Variants in CADPS observed in about 807,000 individuals in gnomAD.
CADPS encodes the protein calcium dependent secretion activator.
In CADPS, 57 loss-of-function variants were observed where a neutral mutation model predicts 167.3. The observed-to-expected ratio is 0.34, with a 90% CI of 0.28 to 0.42. The LOEUF (loss-of-function observed/expected upper bound fraction) is 0.42. Among genes scored for constraint, CADPS ranks in the 20% least tolerant of loss-of-function variants. The probability of loss-of-function intolerance (pLI) is 1.00; values close to 1 mark genes in which losing one functional copy is unlikely to be tolerated. For missense variants in CADPS, 1,414 were observed against 1,738.1 expected (o/e 0.81, Z 3.32); for synonymous variants, 676 against 635.3 (o/e 1.06, Z -0.96).
At chr3:62,647,214 T>C (rs2068792610) in intron 5 of CADPS, among the ~76,000 whole-genome samples, 1 of 152,152 alleles carries the variant, frequency 6.6e-6, no homozygotes, top group African/African-American at 2.4e-5. Context: ...AGAAGAAGAA[T>C]GTGAGTGCGC....
At position 62,875,039 on chromosome 3, in the gene CADPS, TG is replaced by T. The variant is rs1447420966; in HGVS notation, c.-11del. 2 of 1,575,202 alleles carry T rather than the reference TG, an allele frequency of 1.3e-6. No individual in the cohort carries two copies. The highest frequency in any genetic ancestry group is 1.4e-5 in the African/African-American group (1 of 71,756). On this transcript the variant is annotated 5_prime_UTR_variant, in exon 1 of 30. Coordinates refer to ENST00000383710, the MANE Select transcript of CADPS (RefSeq NM_003716.4). Reference sequence around the variant, plus strand: ...ACGAAGGGTCCAGCATAGTGGCGCCTGGGGAGCGGGGTCTCTGGAGCCCCCG... The same window carrying T: ...ACGAAGGGTCCAGCATAGTGGCGCCTGGGAGCGGGGTCTCTGGAGCCCCCG...
rs564324866 is a variant in CADPS at position 62,419,741 on chromosome 3, T to C, written c.3778-16556A>G. On this transcript the variant is annotated intron_variant, in intron 28 of 29. Transcript: ENST00000383710. ...TGAACTGCATTAATTCGCAAGCAGA[T>C]TGACGTAAGCAACTGAATAAGAAAT... 1.9e-4 allele frequency among the ~76,000 whole-genome samples: 29 copies of C among 152,186 alleles called. No homozygotes were observed. The South Asian group carries it at 2.1e-3, about 11-fold the overall frequency.
At chr3:62,821,063 T>G (rs2094891859) in intron 1 of CADPS, among the ~76,000 whole-genome samples, 1 of 152,192 alleles carries the variant, frequency 6.6e-6, no homozygotes, top group Non-Finnish European at 1.5e-5. Flanking sequence ...CCGCCCAAAG[T>G]GCTGGGATTA....
In CADPS at chr3:62,874,947, G is replaced by A. The variant is rs757218775; in HGVS notation, c.83C>T (p.Pro28Leu). 2.6e-6 allele frequency: 4 copies of A among 1,545,692 alleles called. No individual in the cohort carries two copies. Among genetic ancestry groups the A allele is most frequent in the Admixed American group, 1.9e-5 (1 of 52,880 alleles). ...GCTGGGAGACAGGCGCGCGCCGGAC[G>A]GGGCCGAGCCGAGCACCTCCTTGCC... ...ESGKEVLGSA[P>L]SGARLSPSRT... is the part of the protein sequence containing the mutation. The change falls in exon 1 of 30, where the codon CCG becomes CTG. Residue 28 changes from proline to leucine, a missense_variant. Physicochemically the swap from Pro to Leu is moderately conservative, Grantham distance 98. Around this residue, in one of 6 missense-constraint regions of CADPS, gnomAD observed 522 missense variants for 559.5 expected, o/e 0.93. Transcript: ENST00000383710. The surrounding 1 kb of genome is among the most constrained non-coding windows in gnomAD (Gnocchi z 7.1).
chr3:62,533,111 A>G (rs954987806), intron 12 of CADPS, 53 bp from the exon 13 acceptor site: 2 of 1,515,988 alleles, frequency 1.3e-6, no homozygotes, highest in African/African-American at 2.8e-5. Flanking sequence ...TGTTTTCTGG[A>G]GAGCTGCTAG....
In CADPS at chr3:62,399,203, CA is replaced by C. The variant is rs1220090316; in HGVS notation, c.*202del. ...AATGGTGCTCCATATTGCTTGTAAA[CA>C]TATAGACATGGACATCAGGAAATCA... On this transcript the variant is annotated 3_prime_UTR_variant, in exon 30 of 30. Coordinates refer to ENST00000383710, the MANE Select transcript of CADPS (RefSeq NM_003716.4). This position sits in a 1 kb window ranked among gnomAD's most constrained non-coding sequence, Gnocchi z 5.6. 2.2e-5 allele frequency: 12 copies of C among 554,138 alleles called. No homozygotes were observed. The East Asian group carries it at 3.3e-4, about 15-fold the overall frequency. The allele number at this position is 554,138 out of a possible 1,614,324, so 34.3% of individuals were successfully genotyped here.
At chr3:62,695,968 C>T (rs952831075) in intron 3 of CADPS, among the ~76,000 whole-genome samples, 2 of 152,022 alleles carry the variant, frequency 1.3e-5, no homozygotes, top group African/African-American at 2.4e-5. Flanking sequence ...AACGCTCCCA[C>T]GTATACACGT....
intron 8 of CADPS, among the ~76,000 whole-genome samples, chr3:62,574,491 A>C (rs2152479326): frequency 6.6e-6 from 1 of 152,328 alleles, no homozygotes; most frequent in South Asian, 2.1e-4. Flanking sequence ...ATGACTGATA[A>C]GTTTATCAAC....
Position 62,698,731 on chromosome 3 carries a change from CTTTTT to C in CADPS, c.889-36342_889-36338del, listed in dbSNP as rs201324385. Among the ~76,000 whole-genome samples, 22 of 67,240 alleles carry C rather than the reference CTTTTT, an allele frequency of 3.3e-4. No homozygotes were observed. In the South Asian group the frequency reaches 3.8e-3, roughly 12 times the overall value. The allele number at this position is 67,240 out of a possible 152,430, so 44.1% of individuals were successfully genotyped here. A position where few individuals can be genotyped will look rare whatever the true frequency, so the allele number is the denominator to read the frequency against. On this transcript the variant is annotated intron_variant, in intron 3 of 29. Coordinates refer to ENST00000383710, the MANE Select transcript of CADPS (RefSeq NM_003716.4). ...TCTCCTTTCCTTTCCTCCCCACTTC[CTTTTT>C]TTTTTTTTTTTTTTTTTTTTTCAGA...
intron 1 of CADPS, among the ~76,000 whole-genome samples, chr3:62,840,875 T>A (rs1273729879): frequency 6.6e-6 from 1 of 152,196 alleles, no homozygotes; most frequent in Non-Finnish European, 1.5e-5. Flanking sequence ...TGTTTGCATA[T>A]CTAATTTTTT....
At chr3:62,783,583 C>A (rs1186550005) in intron 1 of CADPS, among the ~76,000 whole-genome samples, 1 of 151,956 alleles carries the variant, frequency 6.6e-6, no homozygotes, top group Non-Finnish European at 1.5e-5. Flanking sequence ...AGTTGTGAGA[C>A]CTTAAGCAAT....
intron 28 of CADPS, among the ~76,000 whole-genome samples, chr3:62,431,384 C>T (rs1487954002): frequency 6.6e-6 from 1 of 152,018 alleles, no homozygotes; most frequent in African/African-American, 2.4e-5. Context: ...GAGTTTTTTA[C>T]AGTTTAGCCC....
chr3:62,827,152 C>T (rs1163039771), intron 1 of CADPS, among the ~76,000 whole-genome samples: 1 of 152,070 alleles, frequency 6.6e-6, no homozygotes, highest in African/African-American at 2.4e-5. Flanking sequence ...TTCCCCCCAC[C>T]CAGGTGTGTA....
chr3:62,617,815 G>C (rs1200611082), intron 6 of CADPS, among the ~76,000 whole-genome samples: 1 of 152,136 alleles, frequency 6.6e-6, no homozygotes, highest in Non-Finnish European at 1.5e-5. Context: ...TAGGATGAAT[G>C]AACTATGTGA....
chr3:62,776,191 G>A (rs560059229), intron 1 of CADPS, among the ~76,000 whole-genome samples: 41 of 152,298 alleles, frequency 2.7e-4, no homozygotes, highest in African/African-American at 8.9e-4. Context: ...TAGTAGTCAG[G>A]AGGAGAGTGC....
chr3:62,847,256 ATTTTC>A (rs757402312), intron 1 of CADPS, among the ~76,000 whole-genome samples: 3 of 96,916 alleles, frequency 3.1e-5, no homozygotes, highest in South Asian at 3.6e-4. Context: ...TCCCAGCAGC[ATTTTC>A]TTTTTTTTTT....
At chr3:62,558,496 T>G (rs17066580) in intron 9 of CADPS, among the ~76,000 whole-genome samples, 4,207 of 152,284 alleles carry the variant, frequency 0.028, 202 homozygotes, top group African/African-American at 0.095. Context: ...AGAGAAGGAG[T>G]GCCACATCCC....
intron 1 of CADPS, among the ~76,000 whole-genome samples, chr3:62,814,079 A>G (rs1163556967): frequency 6.6e-6 from 1 of 152,186 alleles, no homozygotes; most frequent in African/African-American, 2.4e-5. Context: ...GATAGTTGCA[A>G]CTGCACTAAA....
chr3:62,570,737 A>G (rs1162810441), intron 9 of CADPS, 135 bp downstream of exon 9: 2 of 696,794 alleles, frequency 2.9e-6, no homozygotes, highest in East Asian at 2.5e-5. Flanking sequence ...TGGTGGTTAC[A>G]TGGATATATG....
Sources: gnomAD v4.1 joint callset for allele counts (sites outside exome capture counted in the v4.1 genomes callset) on GRCh38, gnomAD v4.1.1 for gene constraint, gnomAD v4.1.1 regional missense constraint, Gnocchi (gnomAD v3.1) non-coding constraint, MANE v1.5 for transcripts, NCBI Gene and HGNC (gene_info 2026-07-23, HGNC 2026-07-21) for gene names.